Variants in MYH9 observed in about 807,000 individuals in gnomAD.
MYH9 encodes myosin heavy chain 9.
Under a neutral mutation model 241.9 loss-of-function variants are expected in MYH9, and 29 were observed. The ratio of observed to expected loss-of-function variants is 0.12; its 90% confidence interval spans 0.09 to 0.16. The LOEUF is 0.16. MYH9 is among the 10% of genes least tolerant of loss of function. The probability of loss-of-function intolerance (pLI) is 1.00; values close to 1 mark genes in which losing one functional copy is unlikely to be tolerated. For missense variants in MYH9, 1,803 were observed against 2,595.5 expected (o/e 0.69, Z 6.63); for synonymous variants, 1,047 against 1,062.6 (o/e 0.99, Z 0.29).
chr22:36,297,598 C>T lies in MYH9; in HGVS notation c.3101-584G>A, dbSNP rs185044758. ...GTTATTCCCTGCCGTGCCTTTGCCA[C>T]CCCATCACGTGATCTTGAGATGTAG... On this transcript the variant is annotated intron_variant, in intron 24 of 40. Coordinates refer to ENST00000216181, the MANE Select transcript of MYH9 (RefSeq NM_002473.6). Among the ~76,000 whole-genome samples, 16 of 152,330 alleles carry T rather than the reference C, an allele frequency of 1.1e-4. No homozygotes were observed. In the East Asian group the frequency reaches 2.9e-3, roughly 27 times the overall value.
intron 13 of MYH9, among the ~76,000 whole-genome samples, chr22:36,312,602 A>C (rs1043640063): frequency 7.2e-5 from 11 of 152,176 alleles, no homozygotes; most frequent in African/African-American, 2.7e-4. Context: ...GCCAACCCAC[A>C]TGCTTTGCGT....
chr22:36,338,525 A>G (rs941196427), intron 3 of MYH9, among the ~76,000 whole-genome samples: 1 of 152,082 alleles, frequency 6.6e-6, no homozygotes, highest in Non-Finnish European at 1.5e-5. Flanking sequence ...CCAAAAGATG[A>G]AATCGCCCAC....
chr22:36,326,711 G>C (rs2017341483), intron 4 of MYH9, 50 bp from the exon 5 acceptor site: 1 of 1,501,690 alleles, frequency 6.7e-7, no homozygotes, highest in Non-Finnish European at 9.3e-7. Flanking sequence ...CCAAGTCCTT[G>C]ACCTCTGTCC....
chr22:36,282,510 C>T lies in MYH9; in HGVS notation c.*158G>A. On this transcript the variant is annotated 3_prime_UTR_variant, in exon 41 of 41. Coordinates refer to ENST00000216181, the MANE Select transcript of MYH9 (RefSeq NM_002473.6). ...AGAGGAAGCCAAATGCCCTCAACAACACCTGGAGGGAAACGGGATGGGGGG... is the reference window on the plus strand; with the variant it reads ...AGAGGAAGCCAAATGCCCTCAACAATACCTGGAGGGAAACGGGATGGGGGG... The T allele has an allele frequency of 1.3e-6, 1 of 790,548 alleles. No homozygotes were observed. Among genetic ancestry groups the T allele is most frequent in the Non-Finnish European group, 2.3e-6 (1 of 444,296 alleles). 49.0% of individuals were successfully genotyped at this position (790,548 alleles called of 1,614,324 possible).
intron 1 of MYH9, among the ~76,000 whole-genome samples, chr22:36,366,994 G>GAC (rs2018020774): frequency 6.6e-6 from 1 of 152,180 alleles, no homozygotes; most frequent in South Asian, 2.1e-4. Flanking sequence ...AGTGGTCAAG[G>GAC]ACCCCTTTGA....
At chr22:36,387,625 G>A (rs2018376918) in intron 1 of MYH9, among the ~76,000 whole-genome samples, 182 bp downstream of exon 1, 1 of 151,564 alleles carries the variant, frequency 6.6e-6, no homozygotes, top group Admixed American at 6.6e-5. Flanking sequence ...CCGCGTGGGG[G>A]TCCCGGTCCC....
chr22:36,327,567 TCC>T, intron 3 of MYH9, 79 bp from the exon 4 acceptor site: 1 of 1,533,844 alleles, frequency 6.5e-7, no homozygotes, highest in Non-Finnish European at 9.0e-7. Flanking sequence ...GCTGCCCGTT[TCC>T]CAGACAGGGA....
intron 1 of MYH9, among the ~76,000 whole-genome samples, chr22:36,369,452 G>C (rs955901729): frequency 2.0e-5 from 3 of 152,250 alleles, no homozygotes; most frequent in Admixed American, 6.5e-5. Flanking sequence ...GGCGGGCTGA[G>C]AACAGCATGC....
At chr22:36,352,950 C>T (rs957612738) in intron 1 of MYH9, among the ~76,000 whole-genome samples, 7 of 152,126 alleles carry the variant, frequency 4.6e-5, no homozygotes, top group African/African-American at 1.7e-4. Flanking sequence ...CGGGTTAGAC[C>T]GGCAGGGAGA....
chr22:36,372,632 G>GA (rs2018106033), intron 1 of MYH9, among the ~76,000 whole-genome samples: 1 of 152,216 alleles, frequency 6.6e-6, no homozygotes, highest in African/African-American at 2.4e-5. Flanking sequence ...CCTCAAACCC[G>GA]AGAGGCCTGG....
rs1392506654 is a variant in MYH9 at position 36,295,582 on chromosome 22, G to A, written c.3408C>T (p.Asp1136=). Residue 1136 remains aspartate (D), a synonymous_variant, in exon 26 of 41, where the codon GAC becomes GAT. Coordinates refer to ENST00000216181, the MANE Select transcript of MYH9 (RefSeq NM_002473.6). This position sits in a 1 kb window ranked among gnomAD's most constrained non-coding sequence, Gnocchi z 4.1. ...SRNKAEKQKR[D]LGEELEALKT... is the part of the protein sequence containing the mutation. ...TCAGAGCCTCTAGCTCTTCCCCAAG[G>A]TCCCGTTTCTGCTTCTCAGCTTTAT... 30 of 1,613,950 alleles carry A rather than the reference G, an allele frequency of 1.9e-5. No individual in the cohort carries two copies. Among genetic ancestry groups the A allele is most frequent in the Non-Finnish European group, 2.3e-5 (27 of 1,180,014 alleles).
chr22:36,301,018 C>A lies in MYH9; in HGVS notation c.2671G>T (p.Ala891Ser). ...EKLQLQEQLQ[A>S]ETELCAEAEE... ...GCCTCGGCACACAGCTCGGTTTCTGCCTGGAGCTGCTCCTGCAGCTGCAAT... is the reference window on the plus strand; with the variant it reads ...GCCTCGGCACACAGCTCGGTTTCTGACTGGAGCTGCTCCTGCAGCTGCAAT... Residue 891 changes from alanine to serine, a missense_variant, in exon 22 of 41, where the codon GCA becomes TCA. By Grantham distance (99) the Ala-to-Ser change is moderately conservative. This residue lies in a region of MYH9 where 290 missense variants were observed against 360.5 expected (regional missense o/e 0.80). Transcript: ENST00000216181. 6.2e-7 allele frequency: 1 copy of A among 1,611,508 alleles called. No individual in the cohort carries two copies. Among genetic ancestry groups the A allele is most frequent in the Non-Finnish European group, 8.5e-7 (1 of 1,180,016 alleles).
chr22:36,354,219 T>A (rs1489551112), intron 1 of MYH9, among the ~76,000 whole-genome samples: 1 of 151,810 alleles, frequency 6.6e-6, no homozygotes, highest in African/African-American at 2.4e-5. Context: ...TGCTTGTTAA[T>A]CAATTTTATC....
chr22:36,285,648 T>G lies in MYH9; in HGVS notation c.5274+10A>C. The G allele has an allele frequency of 6.2e-7, 1 of 1,612,004 alleles. No individual in the cohort carries two copies. Among genetic ancestry groups the G allele is most frequent in the South Asian group, 1.1e-5 (1 of 91,004 alleles). On this transcript the variant is annotated intron_variant, in intron 37 of 40. Transcript: ENST00000216181. This position sits in a 1 kb window ranked among gnomAD's most constrained non-coding sequence, Gnocchi z 7.0. ...CCAGAGCCCAGAGTGGGAGAAGTCC[T>G]GGCACCCACCTGCAGGTTGGCCTTC...
intron 3 of MYH9, among the ~76,000 whole-genome samples, chr22:36,335,773 TA>T (rs2017488683): frequency 6.6e-6 from 1 of 152,132 alleles, no homozygotes; most frequent in African/African-American, 2.4e-5. Context: ...TGTGCCAGGG[TA>T]ACAGGCACCA....
chr22:36,316,720 C>A, intron 11 of MYH9, 51 bp from the exon 12 acceptor site: 1 of 1,608,418 alleles, frequency 6.2e-7, no homozygotes, highest in Non-Finnish European at 8.5e-7. Context: ...GATCTGAAAA[C>A]CCTCATACCC....
chr22:36,319,779 G>T, intron 9 of MYH9, 144 bp from the exon 10 acceptor site: 2 of 834,418 alleles, frequency 2.4e-6, no homozygotes, highest in Non-Finnish European at 3.9e-6. Flanking sequence ...GGGGCGCCAG[G>T]TCTGCGTCTA....
At chr22:36,361,053 T>C (rs987141032) in intron 1 of MYH9, among the ~76,000 whole-genome samples, 45 of 152,170 alleles carry the variant, frequency 3.0e-4, no homozygotes, top group Non-Finnish European at 5.9e-5. Flanking sequence ...CCAGGGCTAA[T>C]AACCTACAGC....
intron 1 of MYH9, among the ~76,000 whole-genome samples, chr22:36,373,891 T>C (rs1395593745): frequency 6.6e-6 from 1 of 152,086 alleles, no homozygotes; most frequent in Non-Finnish European, 1.5e-5. Context: ...ATTATAGTAG[T>C]AACTCAGAAC....
Sources: allele counts gnomAD v4.1 joint callset (sites outside exome capture counted in the v4.1 genomes callset), GRCh38; gene constraint gnomAD v4.1.1; regional missense constraint gnomAD v4.1.1; non-coding constraint Gnocchi (gnomAD v3.1); transcripts MANE v1.5; gene names NCBI Gene and HGNC (gene_info 2026-07-23, HGNC 2026-07-21).